ZFHX3: variants seen among roughly 807,000 people sequenced by gnomAD.
The protein encoded by ZFHX3 is zinc finger homeobox protein 3.
ZFHX3 carries 42 observed loss-of-function variants against 279.1 expected under a neutral mutation model. That is an observed-to-expected ratio of 0.15 (90% CI 0.12 to 0.19). ZFHX3 has a LOEUF of 0.19. Ranked by LOEUF, ZFHX3 falls within the 10% of genes least tolerant of loss-of-function variation. The pLI is 1.00. For missense variants in ZFHX3, 4,981 were observed against 4,754.0 expected (o/e 1.05, Z -1.40); for synonymous variants, 2,293 against 1,957.8 (o/e 1.17, Z -4.52).
intron 1 of ZFHX3, among the ~76,000 whole-genome samples, chr16:73,748,441 A>G (rs1049148721): frequency 3.3e-5 from 5 of 152,214 alleles, no homozygotes; most frequent in Non-Finnish European, 7.3e-5. Flanking sequence ...CTGAGCTGGC[A>G]TTCAAGATCT....
At position 73,850,681 on chromosome 16, in the gene ZFHX3, C is replaced by A. The variant is rs151233215; in HGVS notation, c.-1608+40970G>T. ...GAAAAGGCTTCTGTGGACCCCACCCCAACCCACCCAAGTCAGTTATGTCTA... is the reference window on the plus strand; with the variant it reads ...GAAAAGGCTTCTGTGGACCCCACCCAAACCCACCCAAGTCAGTTATGTCTA... On this transcript the variant is annotated intron_variant, in intron 1 of 17. Coordinates refer to the ZFHX3 transcript ENST00000641206. Among the ~76,000 whole-genome samples the A allele has an allele frequency of 9.9e-5, 15 of 151,998 alleles. 1 individual carries two copies. The highest frequency in any genetic ancestry group is 3.9e-4 in the Admixed American group (6 of 15,274).
At chr16:73,228,496 C>T (rs1224026086) in intron 5 of ZFHX3, among the ~76,000 whole-genome samples, 1 of 152,102 alleles carries the variant, frequency 6.6e-6, no homozygotes, top group East Asian at 1.9e-4. Flanking sequence ...AACCTCATCT[C>T]TACGAAAAAT....
intron 2 of ZFHX3, among the ~76,000 whole-genome samples, chr16:73,524,290 A>C (rs1172528855): frequency 6.6e-6 from 1 of 152,224 alleles, no homozygotes; most frequent in Non-Finnish European, 1.5e-5. Flanking sequence ...GTCCACTAGA[A>C]TTACAGAAAT....
rs2143293024 is a variant in ZFHX3 at position 72,788,057 on chromosome 16, C to T, written c.10219G>A (p.Ala3407Thr). 1 of 1,611,704 alleles carries T rather than the reference C, an allele frequency of 6.2e-7. No individual in the cohort carries two copies. The highest frequency in any genetic ancestry group is 2.2e-5 in the East Asian group (1 of 44,860). The change falls in exon 10 of 10, where the codon GCT becomes ACT. Residue 3407 changes from alanine (A) to threonine (T), a missense_variant. This residue lies in a region of ZFHX3 where 1,034 missense variants were observed against 786.0 expected (regional missense o/e 1.32). Transcript: ENST00000268489. ...KASQTPVPPG[A>T]PSPDKDPAKE... is the part of the protein sequence containing the mutation. ...GCAGGGTCTTTGTCTGGGGAAGGAGCCCCGGGGGGGACTGGGGTTTGGCTT... is the reference window on the plus strand; with the variant it reads ...GCAGGGTCTTTGTCTGGGGAAGGAGTCCCGGGGGGGACTGGGGTTTGGCTT...
chr16:73,629,644 TA>T (rs140960492), intron 2 of ZFHX3, among the ~76,000 whole-genome samples: 4 of 148,346 alleles, frequency 2.7e-5, no homozygotes, highest in South Asian at 2.1e-4. Context: ...GACATGAAGT[TA>T]AAAAAAAAGA....
intron 5 of ZFHX3, among the ~76,000 whole-genome samples, chr16:73,153,001 G>C (rs935221660): frequency 6.6e-6 from 1 of 152,120 alleles, no homozygotes; most frequent in South Asian, 2.1e-4. Flanking sequence ...GGAATTTTTG[G>C]ATGGTTTTGC....
At chr16:73,045,640 C>CATCATT (rs1488332893) in intron 1 of ZFHX3, among the ~76,000 whole-genome samples, 23 of 142,998 alleles carry the variant, frequency 1.6e-4, no homozygotes, top group South Asian at 4.6e-4. Flanking sequence ...CATGGATTTA[C>CATCATT]ATTATTATTA....
At chr16:73,621,083 A>G (rs192855028) in intron 2 of ZFHX3, among the ~76,000 whole-genome samples, 1 of 152,342 alleles carries the variant, frequency 6.6e-6, no homozygotes, top group Admixed American at 6.5e-5. Flanking sequence ...TCTAGCACCA[A>G]CGGCCATTAC....
At chr16:73,362,562 C>T (rs1179492211) in intron 3 of ZFHX3, among the ~76,000 whole-genome samples, 1 of 152,222 alleles carries the variant, frequency 6.6e-6, no homozygotes, top group East Asian at 1.9e-4. Context: ...GAACATCCTG[C>T]AAATGAGTCA....
rs1373735925 is a variant in ZFHX3 at position 72,957,440 on chromosome 16, C to T, written c.2706G>A (p.Met902Ile). The change falls in exon 2 of 10, where the codon ATG (methionine) becomes ATA (isoleucine). Residue 902 changes from methionine to isoleucine, a missense_variant. Physicochemically the swap from Met to Ile is conservative, Grantham distance 10. Around this residue, in one of 7 missense-constraint regions of ZFHX3, gnomAD observed 1,751 missense variants for 1,770.0 expected, o/e 0.99. Transcript: ENST00000268489. Reference sequence around the variant, plus strand: ...AGTCATCCTCACCTAGAGCAGGCGTCATGGCGGCCATGGGCCCGGCGGGAT... The same window carrying T: ...AGTCATCCTCACCTAGAGCAGGCGTTATGGCGGCCATGGGCCCGGCGGGAT... The part of the protein sequence containing the change: ...QLDPAGPMAA[M>I]TPALVGGEIP... The T allele has an allele frequency of 3.7e-6, 6 of 1,609,996 alleles. No individual in the cohort carries two copies. The South Asian group carries it at 6.6e-5, about 18-fold the overall frequency.
At chr16:73,333,652 C>G (rs2015849471) in intron 3 of ZFHX3, among the ~76,000 whole-genome samples, 1 of 151,706 alleles carries the variant, frequency 6.6e-6, no homozygotes, top group South Asian at 2.1e-4. Flanking sequence ...TTTGGATTTT[C>G]TAGGGGTAAC....
chr16:73,478,176 G>C (rs1378091415), intron 2 of ZFHX3, among the ~76,000 whole-genome samples: 1 of 149,004 alleles, frequency 6.7e-6, no homozygotes, highest in Non-Finnish European at 1.5e-5. Flanking sequence ...TGAGGCAGGA[G>C]AATGGCTTGA....
chr16:73,099,265 C>T (rs577215746), intron 7 of ZFHX3: 2 of 152,324 alleles, frequency 1.3e-5, no homozygotes, highest in South Asian at 2.1e-4. Flanking sequence ...AGAACGGCTA[C>T]ATGTTATAAC....
chr16:72,939,306 A>G (rs532065054), intron 3 of ZFHX3, among the ~76,000 whole-genome samples: 19 of 152,228 alleles, frequency 1.2e-4, no homozygotes, highest in Middle Eastern at 3.4e-3. Context: ...TGCTCAGAGA[A>G]CCTTCCTGGG....
intron 3 of ZFHX3, among the ~76,000 whole-genome samples, chr16:73,371,485 T>A (rs893273270): frequency 6.6e-6 from 1 of 151,508 alleles, no homozygotes; most frequent in Non-Finnish European, 1.5e-5. Flanking sequence ...CCTGCCAACC[T>A]CCAATTTTAC....
At chr16:72,952,384 T>C (rs1054850328) in intron 2 of ZFHX3, among the ~76,000 whole-genome samples, 3 of 152,226 alleles carry the variant, frequency 2.0e-5, no homozygotes, top group African/African-American at 7.2e-5. Flanking sequence ...TTCCTGATCC[T>C]CTGCCCTGGG....
chr16:73,370,404 G>A (rs1466178686), intron 3 of ZFHX3, among the ~76,000 whole-genome samples: 2 of 152,210 alleles, frequency 1.3e-5, no homozygotes, highest in Admixed American at 6.5e-5. Flanking sequence ...GCATATGGGA[G>A]GCAGGTTTAA....
chr16:72,958,985 G>T lies in ZFHX3; in HGVS notation c.1161C>A (p.Pro387=). ...TCAAGAGACCAGCCTGGGGCTGCTC[G>T]GGGCCAGCGGCGGAGCCCGCTGGGA... ...EALPAGSAAG[P]EQPQAGLLTP... is the part of the protein sequence containing the mutation. Residue 387 remains proline (P), a synonymous_variant, in exon 2 of 10, where the codon CCC becomes CCA. Coordinates refer to ENST00000268489, the MANE Select transcript of ZFHX3 (RefSeq NM_006885.4). 6.2e-7 allele frequency: 1 copy of T among 1,606,142 alleles called. No individual in the cohort carries two copies. Among genetic ancestry groups the T allele is most frequent in the East Asian group, 2.2e-5 (1 of 44,814 alleles).
At chr16:72,969,332 G>A (rs758846442) in intron 1 of ZFHX3, among the ~76,000 whole-genome samples, 1 of 152,038 alleles carries the variant, frequency 6.6e-6, no homozygotes, top group Non-Finnish European at 1.5e-5. Flanking sequence ...AGTTGGAGAA[G>A]ACAAATAAAT....
Sources: gnomAD v4.1 joint callset for allele counts (sites outside exome capture counted in the v4.1 genomes callset) on GRCh38, gnomAD v4.1.1 for gene constraint, gnomAD v4.1.1 regional missense constraint, MANE v1.5 for transcripts, NCBI Gene and HGNC (gene_info 2026-07-23, HGNC 2026-07-21) for gene names.